The following ADCY2 variants were observed in gnomAD, a reference collection of about 807,000 sequenced individuals.
ADCY2 encodes adenylate cyclase type 2.
In ADCY2, 31 loss-of-function variants were observed where a neutral mutation model predicts 125.2. The observed-to-expected ratio is 0.25, with a 90% CI of 0.19 to 0.33. ADCY2 has a LOEUF of 0.33. Among genes scored for constraint, ADCY2 ranks in the 10% least tolerant of loss-of-function variants. The pLI is 1.00. For synonymous variants in ADCY2, 512 were observed against 548.4 expected (o/e 0.93, Z 0.93); for missense variants, 904 against 1,418.2 (o/e 0.64, Z 5.82).
chr5:7,477,410 A>G lies in ADCY2; in HGVS notation c.409-43328A>G, dbSNP rs566906421. Among the ~76,000 whole-genome samples, 50 of 152,310 alleles carry G rather than the reference A, an allele frequency of 3.3e-4. No individual in the cohort carries two copies. The South Asian group carries it at 6.8e-3, about 21-fold the overall frequency. On this transcript the variant is annotated intron_variant, in intron 2 of 24. Coordinates refer to ENST00000338316, the MANE Select transcript of ADCY2 (RefSeq NM_020546.3). ...CATAGATGAAGTGGTGCATTCATTTATATTCTACTTGCAGAATTGTCAACC... is the reference window on the plus strand; with the variant it reads ...CATAGATGAAGTGGTGCATTCATTTGTATTCTACTTGCAGAATTGTCAACC...
intron 3 of ADCY2, among the ~76,000 whole-genome samples, chr5:7,597,885 C>A (rs531349102): frequency 6.6e-6 from 1 of 152,300 alleles, no homozygotes; most frequent in Admixed American, 6.5e-5. Flanking sequence ...CACCTGTGTA[C>A]CTTGCCCTGT....
intron 3 of ADCY2, among the ~76,000 whole-genome samples, chr5:7,603,607 T>C (rs915826273): frequency 6.6e-6 from 1 of 152,098 alleles, no homozygotes; most frequent in African/African-American, 2.4e-5. Flanking sequence ...CTGTTGAGCC[T>C]GAGGAAGGGT....
intron 2 of ADCY2, among the ~76,000 whole-genome samples, chr5:7,513,106 C>CACACACACACACACAGAG (rs777343291): frequency 2.2e-5 from 3 of 138,432 alleles, no homozygotes; most frequent in Non-Finnish European, 4.7e-5. Context: ...CACACACACA[C>CACACACACACACACAGAG]AGAGAGAGAG....
chr5:7,731,950 A>T (rs1219769543), intron 14 of ADCY2, among the ~76,000 whole-genome samples: 1 of 152,164 alleles, frequency 6.6e-6, no homozygotes, highest in Admixed American at 6.5e-5. Context: ...TAAATATGTG[A>T]TTCTGCCATT....
At chr5:7,503,988 G>T (rs550293132) in intron 2 of ADCY2, among the ~76,000 whole-genome samples, 7 of 152,142 alleles carry the variant, frequency 4.6e-5, no homozygotes, top group African/African-American at 1.7e-4. Context: ...GTTTACCACC[G>T]CAGAAAGCAA....
At chr5:7,439,841 G>A (rs1740942761) in intron 2 of ADCY2, among the ~76,000 whole-genome samples, 1 of 152,172 alleles carries the variant, frequency 6.6e-6, no homozygotes, top group Non-Finnish European at 1.5e-5. Context: ...AGTTTTGAAT[G>A]TGGCAGAGAG....
intron 15 of ADCY2, among the ~76,000 whole-genome samples, chr5:7,756,817 A>T (rs1211113295): frequency 6.6e-6 from 1 of 152,238 alleles, no homozygotes; most frequent in African/African-American, 2.4e-5. Context: ...TAAAGGGCAC[A>T]TTTTATATTA....
In ADCY2 at chr5:7,709,182, A is replaced by C; in HGVS notation, c.1402-29A>C. 1 of 1,575,846 alleles carries C rather than the reference A, an allele frequency of 6.3e-7. No homozygotes were observed. The highest frequency in any genetic ancestry group is 8.6e-7 in the Non-Finnish European group (1 of 1,160,746). ...ATCATGTGTGGCCCTGTGCTGTGCCAGGTGTGATGCTTTGTTTCTCACCCC... is the reference window on the plus strand; with the variant it reads ...ATCATGTGTGGCCCTGTGCTGTGCCCGGTGTGATGCTTTGTTTCTCACCCC... On this transcript the variant is annotated intron_variant, in intron 9 of 24. Coordinates refer to ENST00000338316, the MANE Select transcript of ADCY2 (RefSeq NM_020546.3). The surrounding 1 kb of genome is among the most constrained non-coding windows in gnomAD (Gnocchi z 4.4).
chr5:7,658,485 C>A (rs1258060988), intron 4 of ADCY2, among the ~76,000 whole-genome samples: 1 of 149,860 alleles, frequency 6.7e-6, no homozygotes, highest in African/African-American at 2.5e-5. Flanking sequence ...AGCTGGAGTG[C>A]AGTGGTGTGA....
In ADCY2 at chr5:7,639,220, G is replaced by A. The variant is rs73050181; in HGVS notation, c.720+12904G>A. Among the ~76,000 whole-genome samples, 1,188 of 152,256 alleles carry A rather than the reference G, an allele frequency of 7.8e-3. 18 individuals are homozygous for A. Among genetic ancestry groups the A allele is most frequent in the African/African-American group, 0.027 (1,119 of 41,538 alleles). ...GAACCTACTACAGTGCCTGCATGGAGTAAGTGAGAACATATACTCTCCAAA... is the reference window on the plus strand; with the variant it reads ...GAACCTACTACAGTGCCTGCATGGAATAAGTGAGAACATATACTCTCCAAA... On this transcript the variant is annotated intron_variant, in intron 4 of 24. Transcript: ENST00000338316.
intron 4 of ADCY2, among the ~76,000 whole-genome samples, chr5:7,673,195 G>A (rs1385691885): frequency 7.9e-6 from 1 of 126,546 alleles, no homozygotes; most frequent in Non-Finnish European, 1.6e-5. Context: ...TTGAGCTCAG[G>A]ACTACAAGAC....
intron 13 of ADCY2, among the ~76,000 whole-genome samples, chr5:7,726,480 T>G (rs914635257): frequency 7.2e-5 from 11 of 152,108 alleles, no homozygotes; most frequent in Admixed American, 6.6e-4. Flanking sequence ...TATCTGGAAT[T>G]TTTATCCTGC....
intron 4 of ADCY2, among the ~76,000 whole-genome samples, chr5:7,650,650 G>C (rs775141357): frequency 6.6e-6 from 1 of 152,058 alleles, no homozygotes; most frequent in African/African-American, 2.4e-5. Flanking sequence ...TGCGATTTCT[G>C]TATGTTCCAG....
chr5:7,748,545 C>G (rs909662545), intron 15 of ADCY2, among the ~76,000 whole-genome samples: 5 of 151,576 alleles, frequency 3.3e-5, no homozygotes, highest in South Asian at 2.1e-4. Context: ...CACACACACA[C>G]ACACACACAC....
At chr5:7,816,421 G>A (rs140764218) in intron 22 of ADCY2, among the ~76,000 whole-genome samples, 4 of 152,284 alleles carry the variant, frequency 2.6e-5, no homozygotes, top group African/African-American at 9.6e-5. Flanking sequence ...CTGGGCAATC[G>A]CCACTGGCAG....
At chr5:7,547,622 G>A (rs1456891662) in intron 3 of ADCY2, among the ~76,000 whole-genome samples, 1 of 152,178 alleles carries the variant, frequency 6.6e-6, no homozygotes, top group African/African-American at 2.4e-5. Context: ...TGTTCCCTGT[G>A]TTATCAATGG....
At chr5:7,479,209 A>T (rs1357808464) in intron 2 of ADCY2, among the ~76,000 whole-genome samples, 1 of 151,188 alleles carries the variant, frequency 6.6e-6, no homozygotes, top group Non-Finnish European at 1.5e-5. Flanking sequence ...ATAACTTCTT[A>T]AAAAGGGGCA....
At chr5:7,577,309 A>G (rs77807797) in intron 3 of ADCY2, among the ~76,000 whole-genome samples, 4,514 of 152,308 alleles carry the variant, frequency 0.03, 232 homozygotes, top group African/African-American at 0.1. Flanking sequence ...AGATAGTCTT[A>G]AAGCATGTGC....
At chr5:7,498,168 G>A (rs1579505251) in intron 2 of ADCY2, among the ~76,000 whole-genome samples, 1 of 149,096 alleles carries the variant, frequency 6.7e-6, no homozygotes, top group Non-Finnish European at 1.5e-5. Flanking sequence ...AAAATATAGA[G>A]ATAATCAAAC....
Sources: gnomAD v4.1 joint callset for allele counts (sites outside exome capture counted in the v4.1 genomes callset) on GRCh38, gnomAD v4.1.1 for gene constraint, Gnocchi (gnomAD v3.1) non-coding constraint, MANE v1.5 for transcripts, NCBI Gene and HGNC (gene_info 2026-07-23, HGNC 2026-07-21) for gene names.